The following LARS2 variants were observed in gnomAD, a reference collection of about 807,000 sequenced individuals.
LARS2 encodes leucine--tRNA ligase, mitochondrial.
A neutral mutation model predicts 116.6 loss-of-function variants in LARS2; 81 were observed. That is an observed-to-expected ratio of 0.69 (90% CI 0.58 to 0.84). The LOEUF is 0.84. Among genes scored for constraint, LARS2 ranks in the 40% least tolerant of loss-of-function variants. The pLI is 0.00. For synonymous variants in LARS2, 396 were observed against 407.2 expected (o/e 0.97, Z 0.33); for missense variants, 968 against 1,114.5 (o/e 0.87, Z 1.87).
At chr3:45,407,842 A>G (rs1698257486) in intron 4 of LARS2, among the ~76,000 whole-genome samples, 1 of 152,224 alleles carries the variant, frequency 6.6e-6, no homozygotes, top group Non-Finnish European at 1.5e-5. Flanking sequence ...TCTACTGGGA[A>G]GGCAGATGAC....
intron 7 of LARS2, among the ~76,000 whole-genome samples, chr3:45,450,624 TG>T (rs1699112200): frequency 1.3e-5 from 2 of 152,212 alleles, no homozygotes; most frequent in African/African-American, 4.8e-5. Context: ...AATCCACTGA[TG>T]GACACTTGGG....
At chr3:45,393,954 A>T (rs1330336992) in intron 2 of LARS2, among the ~76,000 whole-genome samples, 1 of 152,254 alleles carries the variant, frequency 6.6e-6, no homozygotes, top group African/African-American at 2.4e-5. Flanking sequence ...ATATGTATAA[A>T]AATTACTAAT....
At chr3:45,489,939 C>G (rs985540144) in intron 12 of LARS2, among the ~76,000 whole-genome samples, 1 of 152,266 alleles carries the variant, frequency 6.6e-6, no homozygotes, top group African/African-American at 2.4e-5. Flanking sequence ...CTGGGAGGTG[C>G]TTACAGGTCC....
rs74282586 is a variant in LARS2, at chr3:45,488,094, G to A, written c.1124-603G>A. ...TCCACAAATGCTTATAATTTTTAGT[G>A]GCAAAAAAAAGCACTCAAAAATGTA... On this transcript the variant is annotated intron_variant, in intron 11 of 21. Coordinates refer to ENST00000645846, the MANE Select transcript of LARS2 (RefSeq NM_015340.4). 1.5e-3 allele frequency among the ~76,000 whole-genome samples: 233 copies of A among 151,754 alleles called. 3 individuals carry two copies. In the East Asian group the frequency reaches 0.043, roughly 28 times the overall value.
At chr3:45,505,164 G>A (rs9311371) in intron 15 of LARS2, among the ~76,000 whole-genome samples, 127,331 of 151,802 alleles carry the variant, frequency 0.84, 55,918 homozygotes, top group East Asian at 0.98. Context: ...ATATTCTTCA[G>A]AGGAAATGTT....
intron 6 of LARS2, among the ~76,000 whole-genome samples, chr3:45,436,018 A>G (rs1108181): frequency 0.12 from 18,688 of 152,210 alleles, 1,418 homozygotes; most frequent in Middle Eastern, 0.2. Context: ...ATGATTTTCT[A>G]TGATTTTTCC....
chr3:45,419,697 G>A lies in LARS2; in HGVS notation c.484G>A (p.Asp162Asn). 1 of 1,614,058 alleles carries A rather than the reference G, an allele frequency of 6.2e-7. No individual in the cohort carries two copies. The highest frequency in any genetic ancestry group is 1.3e-5 in the African/African-American group (1 of 75,046). ...SNIKHMRKQL[D>N]RLGLCFSWDR... is the part of the protein sequence containing the mutation. ...TATTAAACACATGAGGAAACAGCTT[G>A]ATCGTCTGGGCCTGTGTTTCAGCTG... Residue 162 changes from aspartate (D) to asparagine (N), a missense_variant, in exon 6 of 22, where the codon GAT (aspartate) becomes AAT (asparagine). Physicochemically the swap from Asp to Asn is conservative, Grantham distance 23 (BLOSUM62 1). Transcript: ENST00000645846.
intron 8 of LARS2, among the ~76,000 whole-genome samples, chr3:45,461,360 C>A (rs551596140): frequency 6.6e-6 from 1 of 151,888 alleles, no homozygotes; most frequent in Non-Finnish European, 1.5e-5. Flanking sequence ...ATGTAGTGAA[C>A]AGCATGTGTA....
intron 6 of LARS2, chr3:45,422,236 T>C (rs1202952260): frequency 1.3e-5 from 2 of 152,222 alleles, no homozygotes; most frequent in Non-Finnish European, 2.9e-5. Context: ...ATGTGTTTAA[T>C]GAATGTTTGA....
intron 13 of LARS2, chr3:45,495,130 C>G (rs1174432985): frequency 1.3e-5 from 2 of 152,212 alleles, no homozygotes; most frequent in Non-Finnish European, 2.9e-5. Context: ...CTGGACATGT[C>G]TGTCCCTAGG....
intron 11 of LARS2, 31 bp from the exon 12 acceptor site, chr3:45,488,666 G>GA (rs1223264851): frequency 7.3e-7 from 1 of 1,372,966 alleles, no homozygotes; most frequent in Middle Eastern, 1.8e-4. Context: ...ACTTGTGAAG[G>GA]AAATGTTTTC....
intron 16 of LARS2, among the ~76,000 whole-genome samples, chr3:45,514,485 G>T (rs1700341683): frequency 6.6e-6 from 1 of 152,170 alleles, no homozygotes; most frequent in Non-Finnish European, 1.5e-5. Flanking sequence ...AAGCAGAACT[G>T]GCAGTGTCTC....
chr3:45,544,398 C>G (rs991920734), intron 21 of LARS2, among the ~76,000 whole-genome samples: 1 of 152,252 alleles, frequency 6.6e-6, no homozygotes, highest in African/African-American at 2.4e-5. Flanking sequence ...GAGGCACACA[C>G]AGTGCCTGCC....
intron 20 of LARS2, among the ~76,000 whole-genome samples, chr3:45,540,118 G>T (rs1189309532): frequency 6.6e-6 from 1 of 151,858 alleles, no homozygotes; most frequent in Non-Finnish European, 1.5e-5. Flanking sequence ...AATTAGCCAG[G>T]CATGGTGGCA....
chr3:45,473,543 C>T (rs1699562540), intron 8 of LARS2, among the ~76,000 whole-genome samples: 1 of 151,872 alleles, frequency 6.6e-6, no homozygotes, highest in Admixed American at 6.6e-5. Context: ...ACCACCACGC[C>T]TGGCTAATTT....
At chr3:45,497,920 G>GA (rs1284033523) in intron 14 of LARS2, among the ~76,000 whole-genome samples, 2 of 150,362 alleles carry the variant, frequency 1.3e-5, no homozygotes, top group African/African-American at 2.5e-5. Context: ...AAAAAAAAAA[G>GA]AAAAAAAAGA....
chr3:45,488,654 G>C, intron 11 of LARS2, 43 bp from the exon 12 acceptor site: 1 of 1,193,226 alleles, frequency 8.4e-7, no homozygotes, highest in Non-Finnish European at 1.3e-6. Flanking sequence ...TGTGATTTGG[G>C]CACTTGTGAA....
chr3:45,477,348 T>C (rs1699633041), intron 10 of LARS2, among the ~76,000 whole-genome samples: 1 of 152,326 alleles, frequency 6.6e-6, no homozygotes, highest in East Asian at 1.9e-4. Context: ...CCCAAGAGTT[T>C]GGAGAACAGG....
intron 17 of LARS2, 38 bp from the exon 18 acceptor site, chr3:45,517,865 C>T: frequency 1.3e-6 from 2 of 1,564,236 alleles, no homozygotes; most frequent in South Asian, 1.2e-5. Flanking sequence ...CCTTATGTTG[C>T]ACGCTCTCTC....
Sources: gnomAD v4.1 joint callset for allele counts (sites outside exome capture counted in the v4.1 genomes callset) on GRCh38, gnomAD v4.1.1 for gene constraint, MANE v1.5 for transcripts, NCBI Gene and HGNC (gene_info 2026-07-23, HGNC 2026-07-21) for gene names.